Variants in IL1RAPL2 observed in about 807,000 individuals in gnomAD.
IL1RAPL2 encodes the protein X-linked interleukin-1 receptor accessory protein-like 2.
Under a neutral mutation model 44.1 loss-of-function variants are expected in IL1RAPL2, and 3 were observed. The observed-to-expected ratio is 0.07, with a 90% confidence interval of 0.03 to 0.18. The LOEUF (loss-of-function observed/expected upper bound fraction) is 0.18, where lower values mean the gene tolerates loss of function less well. Among genes scored for constraint, IL1RAPL2 ranks in the 10% least tolerant of loss-of-function variants. IL1RAPL2 has a pLI of 1.00. For missense variants in IL1RAPL2, 391 were observed against 496.4 expected, an observed-to-expected ratio of 0.79 and a Z score of 2.02; for synonymous variants, 181 against 178.8, an observed-to-expected ratio of 1.01 and a Z score of -0.10.
intron 2 of IL1RAPL2, among the ~76,000 whole-genome samples, chrX:105,051,508 C>T (rs948309312): frequency 8.9e-6 from 1 of 112,773 alleles, no homozygotes; most frequent in Non-Finnish European, 1.9e-5. Flanking sequence ...GGGCAGATCC[C>T]CCCAAGAGCA....
intron 2 of IL1RAPL2, among the ~76,000 whole-genome samples, chrX:104,697,999 A>G (rs1244897815): frequency 1.8e-5 from 2 of 112,149 alleles, no homozygotes; most frequent in Non-Finnish European, 3.8e-5. Context: ...TAACTGGGGA[A>G]TGATCAATTC....
At chrX:104,634,387 C>A (rs185016519) in intron 1 of IL1RAPL2, among the ~76,000 whole-genome samples, 105 of 111,299 alleles carry the variant, frequency 9.4e-4, no homozygotes, top group Admixed American at 2.9e-3. Flanking sequence ...GAGTTCAATT[C>A]CTGGATATCC....
chrX:105,680,823 A>AAGAT (rs1344939094), intron 6 of IL1RAPL2, among the ~76,000 whole-genome samples: 2 of 111,881 alleles, frequency 1.8e-5, no homozygotes, highest in Admixed American at 9.4e-5. Context: ...CCTATAACAA[A>AAGAT]AGATAGGTTA....
intron 3 of IL1RAPL2, among the ~76,000 whole-genome samples, chrX:105,203,122 G>T (rs1159210512): frequency 9.0e-6 from 1 of 111,588 alleles, no homozygotes; most frequent in African/African-American, 3.3e-5. Context: ...TACATATTCT[G>T]CCTTCCAGCC....
At chrX:105,676,827 T>C (rs1410455103) in intron 6 of IL1RAPL2, among the ~76,000 whole-genome samples, 1 of 112,230 alleles carries the variant, frequency 8.9e-6, no homozygotes, top group Non-Finnish European at 1.9e-5. Context: ...ATAGTATTTT[T>C]GTTTTCCTCA....
At chrX:105,384,860 T>C (rs750847308) in intron 5 of IL1RAPL2, among the ~76,000 whole-genome samples, 4 of 111,451 alleles carry the variant, frequency 3.6e-5, no homozygotes. Flanking sequence ...AATTATTTTG[T>C]AGCTATTGTA....
intron 6 of IL1RAPL2, among the ~76,000 whole-genome samples, chrX:105,671,531 A>G (rs2037824724): frequency 9.0e-6 from 1 of 111,540 alleles, no homozygotes; most frequent in Admixed American, 9.5e-5. Flanking sequence ...ATTGACTAAG[A>G]GCAGTGATTT....
intron 5 of IL1RAPL2, among the ~76,000 whole-genome samples, chrX:105,354,367 C>G (rs1602372806): frequency 9.2e-6 from 1 of 109,015 alleles, no homozygotes; most frequent in African/African-American, 3.4e-5. Flanking sequence ...ATGGATGAAG[C>G]TGGAAACCAT....
chrX:104,672,860 T>G (rs1289229475), intron 2 of IL1RAPL2, among the ~76,000 whole-genome samples: 2 of 112,221 alleles, frequency 1.8e-5, no homozygotes, highest in African/African-American at 6.5e-5. Flanking sequence ...ATGACGAGCA[T>G]TTTTTCATGT....
intron 2 of IL1RAPL2, among the ~76,000 whole-genome samples, chrX:104,999,187 T>G (rs1392816806): frequency 9.0e-6 from 1 of 111,651 alleles, no homozygotes; most frequent in East Asian, 2.9e-4. Context: ...GAGTGCCATC[T>G]TGAGAAATCT....
chrX:104,962,165 T>C, intron 2 of IL1RAPL2, among the ~76,000 whole-genome samples: 1 of 111,967 alleles, frequency 8.9e-6, no homozygotes, highest in Non-Finnish European at 1.9e-5. Context: ...AATTCACTAT[T>C]GGGCAATCAA....
Position 104,800,687 on chromosome X carries a change from A to G in IL1RAPL2, c.82+141692A>G, listed in dbSNP as rs139323851. On this transcript the variant is annotated intron_variant, in intron 2 of 10. Transcript: ENST00000372582. ...GACCAACTTTTTTGATATTTAAGAA[A>G]AATCTTCACACTTTAAAAAGTTGTG... Among the ~76,000 whole-genome samples, 429 of 112,818 alleles carry G rather than the reference A, an allele frequency of 3.8e-3. 7 individuals are homozygous for G. The highest frequency in any genetic ancestry group is 0.013 in the African/African-American group (399 of 31,093).
intron 2 of IL1RAPL2, among the ~76,000 whole-genome samples, chrX:105,075,270 A>C (rs1285747726): frequency 2.7e-5 from 3 of 111,747 alleles, no homozygotes; most frequent in Non-Finnish European, 5.6e-5. Flanking sequence ...GAATTTTGTC[A>C]AAGGCCTTTT....
intron 2 of IL1RAPL2, among the ~76,000 whole-genome samples, chrX:104,907,926 G>A (rs1301620141): frequency 9.1e-6 from 1 of 109,785 alleles, no homozygotes; most frequent in African/African-American, 3.3e-5. Context: ...CATTATTAAT[G>A]TGTGGGAGTC....
In IL1RAPL2 at chrX:105,767,436, G is replaced by C; in HGVS notation, c.1836G>C (p.Met612Ile). 8.3e-7 allele frequency: 1 copy of C among 1,211,008 alleles called. No individual in the cohort carries two copies. Among genetic ancestry groups the C allele is most frequent in the Non-Finnish European group, 1.1e-6 (1 of 895,166 alleles). The change falls in exon 11 of 11, where the codon ATG becomes ATC. Residue 612 changes from methionine (M) to isoleucine (I), a missense_variant. Coordinates refer to ENST00000372582, the MANE Select transcript of IL1RAPL2 (RefSeq NM_017416.2). ...CTGAATTCCACCCTTCAGATTCAAT[G>C]CAAATCAGGCACTGTTGCAGAGGTT... ...DLPEFHPSDS[M>I]QIRHCCRGYK...
chrX:104,568,869 CG>C (rs1328579468), intron 1 of IL1RAPL2, among the ~76,000 whole-genome samples: 1 of 111,753 alleles, frequency 8.9e-6, no homozygotes, highest in Non-Finnish European at 1.9e-5. Context: ...ACAGTCGCAC[CG>C]TGAGGCTGCT....
intron 10 of IL1RAPL2, among the ~76,000 whole-genome samples, chrX:105,762,143 C>T (rs1036850579): frequency 5.4e-5 from 6 of 111,920 alleles, no homozygotes; most frequent in Non-Finnish European, 1.1e-4. Flanking sequence ...TTCAGTTTGC[C>T]TTTTTCCTTC....
At chrX:105,323,141 A>G (rs192747509) in intron 5 of IL1RAPL2, among the ~76,000 whole-genome samples, 41 of 112,034 alleles carry the variant, frequency 3.7e-4, no homozygotes, top group African/African-American at 1.3e-3. Flanking sequence ...GAATTTAACC[A>G]GTGTCTTTTC....
At chrX:105,705,977 A>G (rs2038162577) in intron 6 of IL1RAPL2, among the ~76,000 whole-genome samples, 1 of 111,703 alleles carries the variant, frequency 9.0e-6, no homozygotes, top group African/African-American at 3.3e-5. Context: ...GGAAGGTTGT[A>G]GTGTGTGATT....
Sources: allele counts gnomAD v4.1 joint callset (sites outside exome capture counted in the v4.1 genomes callset), GRCh38; gene constraint gnomAD v4.1.1; transcripts MANE v1.5; gene names NCBI Gene and HGNC (gene_info 2026-07-23, HGNC 2026-07-21).